Variants in SCAPER observed in about 807,000 individuals in gnomAD.
SCAPER encodes the protein S phase cyclin A-associated protein in the endoplasmic reticulum.
In SCAPER, 98 loss-of-function variants were observed where a neutral mutation model predicts 182.2. The ratio of observed to expected loss-of-function variants is 0.54; its 90% confidence interval spans 0.46 to 0.64. The LOEUF (loss-of-function observed/expected upper bound fraction) is 0.64. SCAPER is among the 30% of genes least tolerant of loss of function. The pLI, the probability that SCAPER is intolerant of heterozygous loss-of-function variation, is 0.00. For missense variants in SCAPER, 1,432 were observed against 1,690.0 expected (o/e 0.85, Z 2.68); for synonymous variants, 605 against 564.6 (o/e 1.07, Z -1.01).
intron 4 of SCAPER, among the ~76,000 whole-genome samples, chr15:76,847,980 T>C (rs1233516884): frequency 2.0e-5 from 3 of 152,198 alleles, no homozygotes; most frequent in African/African-American, 7.2e-5. Flanking sequence ...TAGCAGGTTT[T>C]TGAAACTATC....
chr15:76,532,008 C>T (rs768613160), intron 23 of SCAPER, among the ~76,000 whole-genome samples: 13 of 152,206 alleles, frequency 8.5e-5, no homozygotes, highest in Non-Finnish European at 1.6e-4. Flanking sequence ...TCCTTGCTCT[C>T]ATCTCAACTT....
At chr15:76,857,725 T>C in intron 4 of SCAPER, 84 bp downstream of exon 4, 2 of 920,726 alleles carry the variant, frequency 2.2e-6, no homozygotes, top group Non-Finnish European at 3.2e-6. Context: ...ATTCAAATCC[T>C]GCAAAATAAG....
At chr15:76,516,436 T>A (rs1338456911) in intron 23 of SCAPER, among the ~76,000 whole-genome samples, 1 of 151,268 alleles carries the variant, frequency 6.6e-6, no homozygotes, top group Non-Finnish European at 1.5e-5. Flanking sequence ...ATTGTTCAAT[T>A]CCCACTTATG....
At chr15:76,756,098 G>A (rs765423539) in intron 14 of SCAPER, among the ~76,000 whole-genome samples, 9 of 152,022 alleles carry the variant, frequency 5.9e-5, no homozygotes, top group Non-Finnish European at 1.2e-4. Context: ...TAAAAAATTA[G>A]CCAGGTGTGG....
At chr15:76,879,349 C>A (rs977649333) in intron 2 of SCAPER, among the ~76,000 whole-genome samples, 4 of 152,162 alleles carry the variant, frequency 2.6e-5, no homozygotes, top group Non-Finnish European at 5.9e-5. Context: ...TTGTCCCTAA[C>A]TCCAGGGTGC....
chr15:76,617,017 T>C (rs2051552094), intron 22 of SCAPER, among the ~76,000 whole-genome samples: 1 of 152,218 alleles, frequency 6.6e-6, no homozygotes, highest in Non-Finnish European at 1.5e-5. Flanking sequence ...TTTCTCCTAC[T>C]GATGAATGAT....
intron 25 of SCAPER, among the ~76,000 whole-genome samples, chr15:76,462,977 C>G (rs553083669): frequency 6.6e-6 from 1 of 152,128 alleles, no homozygotes; most frequent in Non-Finnish European, 1.5e-5. Flanking sequence ...TCTCCCATCC[C>G]TCTCCTCTTT....
At chr15:76,542,539 T>C (rs1045039747) in intron 23 of SCAPER, among the ~76,000 whole-genome samples, 17 of 146,114 alleles carry the variant, frequency 1.2e-4, no homozygotes, top group African/African-American at 3.6e-4. Flanking sequence ...CAAAAATAAA[T>C]AAATAAATAA....
At chr15:76,559,524 T>C (rs1555484491) in intron 23 of SCAPER, among the ~76,000 whole-genome samples, 1 of 152,182 alleles carries the variant, frequency 6.6e-6, no homozygotes, top group Non-Finnish European at 1.5e-5. Flanking sequence ...CTCTTTCCTT[T>C]ATAAATTGCC....
chr15:76,544,381 T>C (rs1018631250), intron 23 of SCAPER, among the ~76,000 whole-genome samples: 1 of 152,136 alleles, frequency 6.6e-6, no homozygotes, highest in East Asian at 1.9e-4. Context: ...GCAGTATTAT[T>C]AACAGCCAAA....
At chr15:76,618,803 T>C (rs1431285860) in intron 22 of SCAPER, among the ~76,000 whole-genome samples, 7 of 152,188 alleles carry the variant, frequency 4.6e-5, no homozygotes, top group African/African-American at 1.7e-4. Context: ...TTTACAAAAA[T>C]GAGAAAGAAA....
intron 25 of SCAPER, among the ~76,000 whole-genome samples, chr15:76,463,554 A>G (rs557782674): frequency 6.6e-6 from 1 of 152,246 alleles, no homozygotes; most frequent in East Asian, 1.9e-4. Flanking sequence ...GGCTCCCAAA[A>G]ATACATACAC....
At position 76,599,466 on chromosome 15, in the gene SCAPER, G is replaced by A. The variant is rs2049757475; in HGVS notation, c.2711+22298C>T. 1.6e-5 allele frequency among the ~76,000 whole-genome samples: 2 copies of A among 121,678 alleles called. 1 individual carries two copies. 79.8% of individuals were successfully genotyped at this position (121,678 alleles called of 152,430 possible). A position where few individuals can be genotyped will look rare whatever the true frequency, so the allele number is the denominator to read the frequency against. ...ATCCAAAATTTATTTCCAAAAAGTAGAAAGAGCCCAAGTATCCATCATTAG... is the reference window on the plus strand; with the variant it reads ...ATCCAAAATTTATTTCCAAAAAGTAAAAAGAGCCCAAGTATCCATCATTAG... On this transcript the variant is annotated intron_variant, in intron 22 of 31. Transcript: ENST00000563290.
intron 25 of SCAPER, among the ~76,000 whole-genome samples, chr15:76,441,130 C>G (rs1365989010): frequency 6.6e-6 from 1 of 151,776 alleles, no homozygotes; most frequent in Non-Finnish European, 1.5e-5. Context: ...ACCATGTTAG[C>G]CAGGATGGTC....
intron 6 of SCAPER, 83 bp downstream of exon 6, chr15:76,804,450 T>G: frequency 6.1e-6 from 5 of 825,126 alleles, no homozygotes; most frequent in Non-Finnish European, 9.4e-6. Flanking sequence ...CAACTCAATA[T>G]GAGGTTAAGT....
chr15:76,702,382 A>T (rs1296030698), intron 19 of SCAPER, among the ~76,000 whole-genome samples: 1 of 152,120 alleles, frequency 6.6e-6, no homozygotes, highest in Non-Finnish European at 1.5e-5. Context: ...CAAAATGCTG[A>T]TGTTATTTGT....
At chr15:76,585,772 A>C (rs1032509701) in intron 22 of SCAPER, among the ~76,000 whole-genome samples, 2 of 152,180 alleles carry the variant, frequency 1.3e-5, no homozygotes, top group Admixed American at 6.5e-5. Flanking sequence ...ACAACAAATA[A>C]AATAGCCCCT....
At chr15:76,849,765 G>A (rs3106376) in intron 4 of SCAPER, among the ~76,000 whole-genome samples, 6,829 of 152,260 alleles carry the variant, frequency 0.045, 327 homozygotes, top group African/African-American at 0.12. Context: ...CCGTTCTCAC[G>A]CTGCTATGAA....
chr15:76,899,854 A>G (rs1366950373), intron 1 of SCAPER, among the ~76,000 whole-genome samples: 1 of 152,222 alleles, frequency 6.6e-6, no homozygotes, highest in Non-Finnish European at 1.5e-5. Context: ...AGAGACAGCG[A>G]CTATCGAGAA....
Sources: allele counts gnomAD v4.1 joint callset (sites outside exome capture counted in the v4.1 genomes callset), GRCh38; gene constraint gnomAD v4.1.1; transcripts MANE v1.5; gene names NCBI Gene and HGNC (gene_info 2026-07-23, HGNC 2026-07-21).